Variants in XRRA1 observed in about 807,000 individuals in gnomAD.
The protein encoded by XRRA1 is X-ray radiation resistance associated 1, also known as X-ray radiation resistance-associated protein 1.
Under a neutral mutation model 80.2 loss-of-function variants are expected in XRRA1, and 69 were observed. The ratio of observed to expected loss-of-function variants is 0.86; its 90% CI spans 0.71 to 1.05. The LOEUF (loss-of-function observed/expected upper bound fraction) is 1.05. Among genes scored for constraint, XRRA1 ranks in the 50% least tolerant of loss-of-function variants. The pLI is 0.00. For missense variants in XRRA1, 967 were observed against 976.4 expected, an observed-to-expected ratio of 0.99 and a Z score of 0.13; for synonymous variants, 348 against 389.9, an observed-to-expected ratio of 0.89 and a Z score of 1.27.
rs1398215229 is a variant in XRRA1 at position 74,906,992 on chromosome 11, A to G, written c.785+153T>C. 4.0e-6 allele frequency: 4 copies of G among 999,982 alleles called. No individual in the cohort carries two copies. The East Asian group carries it at 9.8e-5, about 25-fold the overall frequency. The allele number at this position is 999,982 out of a possible 1,614,324, so 61.9% of individuals were successfully genotyped here. A position where few individuals can be genotyped will look rare whatever the true frequency, so the allele number is the denominator to read the frequency against. On this transcript the variant is annotated intron_variant, in intron 9 of 18. Coordinates refer to ENST00000684022, the MANE Select transcript of XRRA1 (RefSeq NM_001378157.1). The stretch of plus-strand genomic sequence containing the variant: ...TTTTTATGGAGGAGCCAAAGCTCAG[A>G]GGGGAGAAATGACTTACCCATGGCC...
intron 10 of XRRA1, among the ~76,000 whole-genome samples, chr11:74,880,360 T>G (rs1354909741): frequency 6.6e-6 from 1 of 152,156 alleles, no homozygotes; most frequent in Non-Finnish European, 1.5e-5. Flanking sequence ...CTTTTTTTCT[T>G]TATTAGTCTT....
At position 74,844,176 on chromosome 11, in the gene XRRA1, C is replaced by G; in HGVS notation, c.2035G>C (p.Glu679Gln). 1 of 1,613,770 alleles carries G rather than the reference C, an allele frequency of 6.2e-7. No homozygotes were observed. The highest frequency in any genetic ancestry group is 8.5e-7 in the Non-Finnish European group (1 of 1,179,714). ...DTLQKPYVHKEKRAQRIPIPP... is the reference protein window; with the variant it reads ...DTLQKPYVHKQKRAQRIPIPP... Reference sequence around the variant, plus strand: ...GTGAGCTGGATGTTTACCCGTTTCTCTTTGTGAACATAGGGTTTCTGAAGA... The same window carrying G: ...GTGAGCTGGATGTTTACCCGTTTCTGTTTGTGAACATAGGGTTTCTGAAGA... Residue 679 changes from glutamate (E) to glutamine (Q), a missense_variant, in exon 17 of 19, where the codon GAG becomes CAG. Physicochemically the swap from Glu to Gln is conservative, Grantham distance 29. Coordinates refer to ENST00000684022, the MANE Select transcript of XRRA1 (RefSeq NM_001378157.1).
intron 12 of XRRA1, among the ~76,000 whole-genome samples, chr11:74,856,211 T>C (rs1372592780): frequency 1.3e-5 from 2 of 152,192 alleles, no homozygotes; most frequent in Non-Finnish European, 2.9e-5. Flanking sequence ...ATATTCTAGA[T>C]AATGAGCATA....
chr11:74,893,668 G>A (rs2051426499), intron 10 of XRRA1, among the ~76,000 whole-genome samples: 1 of 151,558 alleles, frequency 6.6e-6, no homozygotes, highest in South Asian at 2.1e-4. Flanking sequence ...TTAGAAAAAT[G>A]CAAATCAAAA....
intron 10 of XRRA1, among the ~76,000 whole-genome samples, chr11:74,870,632 G>A (rs570448424): frequency 3.3e-5 from 5 of 152,092 alleles, no homozygotes; most frequent in Non-Finnish European, 7.3e-5. Flanking sequence ...CTCTCTCCCC[G>A]CTTGCTCTGG....
At chr11:74,920,555 G>T (rs1940414522) in intron 8 of XRRA1, among the ~76,000 whole-genome samples, 1 of 152,184 alleles carries the variant, frequency 6.6e-6, no homozygotes, top group Non-Finnish European at 1.5e-5. Flanking sequence ...CTGGGCCTTA[G>T]AAAATGTACA....
At chr11:74,939,787 C>G (rs974234061) in intron 3 of XRRA1, among the ~76,000 whole-genome samples, 1 of 151,404 alleles carries the variant, frequency 6.6e-6, no homozygotes, top group Non-Finnish European at 1.5e-5. Flanking sequence ...ATATATACAA[C>G]TATATTTATT....
chr11:74,883,186 G>C (rs980154086), intron 10 of XRRA1, among the ~76,000 whole-genome samples: 1 of 152,168 alleles, frequency 6.6e-6, no homozygotes, highest in Non-Finnish European at 1.5e-5. Flanking sequence ...AGGACCCTCC[G>C]AGCCAGGTGC....
intron 9 of XRRA1, 140 bp from the exon 10 acceptor site, chr11:74,906,596 C>T: frequency 1.1e-6 from 1 of 915,672 alleles, no homozygotes; most frequent in Non-Finnish European, 1.6e-6. Context: ...GTGACTTACT[C>T]TCTCTGGGAT....
chr11:74,883,371 C>T (rs944006877), intron 10 of XRRA1, among the ~76,000 whole-genome samples: 45 of 152,188 alleles, frequency 3.0e-4, no homozygotes, highest in African/African-American at 4.8e-4. Flanking sequence ...TGCCTTGGCT[C>T]GCACACGGTG....
intron 7 of XRRA1, among the ~76,000 whole-genome samples, chr11:74,922,648 A>T (rs951219398): frequency 6.6e-6 from 1 of 152,198 alleles, no homozygotes; most frequent in African/African-American, 2.4e-5. Context: ...GGTCAGCCAC[A>T]TCAGTATTAC....
chr11:74,905,510 T>G (rs1282008753), intron 10 of XRRA1, among the ~76,000 whole-genome samples: 1 of 152,210 alleles, frequency 6.6e-6, no homozygotes, highest in Non-Finnish European at 1.5e-5. Flanking sequence ...ACTGCAAAGC[T>G]GGAAGAGGAA....
At chr11:74,926,116 CT>C (rs1297611010) in intron 7 of XRRA1, among the ~76,000 whole-genome samples, 1 of 152,194 alleles carries the variant, frequency 6.6e-6, no homozygotes, top group African/African-American at 2.4e-5. Context: ...GTGAGGACTA[CT>C]TTTGTCTCAA....
At chr11:74,880,711 C>T (rs1302409246) in intron 10 of XRRA1, among the ~76,000 whole-genome samples, 2 of 150,936 alleles carry the variant, frequency 1.3e-5, no homozygotes, top group African/African-American at 2.4e-5. Flanking sequence ...GCCTTCATTT[C>T]GTTGTGTACC....
At chr11:74,876,580 T>G (rs1473087164) in intron 10 of XRRA1, 3 of 152,080 alleles carry the variant, frequency 2.0e-5, no homozygotes, top group Non-Finnish European at 4.4e-5. Flanking sequence ...TCTGTCTCCC[T>G]ACCTAAGCCC....
chr11:74,856,936 C>T (rs1308117968), intron 12 of XRRA1, among the ~76,000 whole-genome samples: 1 of 152,106 alleles, frequency 6.6e-6, no homozygotes, highest in Admixed American at 6.5e-5. Context: ...CTGGGCCTAG[C>T]ACATTAGAGG....
chr11:74,923,516 T>A (rs1941447582), intron 7 of XRRA1, among the ~76,000 whole-genome samples: 1 of 152,230 alleles, frequency 6.6e-6, no homozygotes, highest in African/African-American at 2.4e-5. Context: ...ATGGATTCTA[T>A]CTACCTCCTT....
chr11:74,930,584 G>A (rs1025753821), intron 5 of XRRA1, among the ~76,000 whole-genome samples: 1 of 152,044 alleles, frequency 6.6e-6, no homozygotes, highest in African/African-American at 2.4e-5. Context: ...AAAAGTATAC[G>A]GAATGACACT....
chr11:74,851,854 C>T, intron 13 of XRRA1, 135 bp downstream of exon 13: 1 of 719,170 alleles, frequency 1.4e-6, no homozygotes, highest in Non-Finnish European at 2.4e-6. Flanking sequence ...TCCTCCATTC[C>T]TCAATGTACC....
Sources: gnomAD v4.1 joint callset for allele counts (sites outside exome capture counted in the v4.1 genomes callset) on GRCh38, gnomAD v4.1.1 for gene constraint, MANE v1.5 for transcripts, NCBI Gene and HGNC (gene_info 2026-07-23, HGNC 2026-07-21) for gene names.